The following CHRM3 variants were observed in gnomAD, a reference collection of about 807,000 sequenced individuals.
The protein encoded by CHRM3 is cholinergic receptor muscarinic 3.
Under a neutral mutation model 41.8 loss-of-function variants are expected in CHRM3, and 11 were observed. The ratio of observed to expected loss-of-function variants is 0.26; its 90% CI spans 0.17 to 0.44. The LOEUF is 0.44. CHRM3 is among the 20% of genes least tolerant of loss of function. The probability of loss-of-function intolerance (pLI) is 1.00; values close to 1 mark genes in which losing one functional copy is unlikely to be tolerated. For missense variants in CHRM3, 571 were observed against 745.4 expected, an observed-to-expected ratio of 0.77 and a Z score of 2.72; for synonymous variants, 297 against 301.4, an observed-to-expected ratio of 0.99 and a Z score of 0.15.
At chr1:239,416,482 TTTATC>T (rs1334436742) in intron 1 of CHRM3, among the ~76,000 whole-genome samples, 1 of 152,162 alleles carries the variant, frequency 6.6e-6, no homozygotes, top group Non-Finnish European at 1.5e-5. Flanking sequence ...GAAATATACT[TTTATC>T]TTCTTTCCAA....
intron 1 of CHRM3, among the ~76,000 whole-genome samples, chr1:239,414,562 A>G (rs1661351852): frequency 1.3e-5 from 2 of 152,376 alleles, no homozygotes; most frequent in South Asian, 2.1e-4. Context: ...CTGGAACAGA[A>G]CAAAATATTT....
chr1:239,619,559 T>C (rs185327237), intron 3 of CHRM3, among the ~76,000 whole-genome samples: 1 of 152,332 alleles, frequency 6.6e-6, no homozygotes, highest in African/African-American at 2.4e-5. Context: ...ATGAGAATGA[T>C]GGCCCAATTA....
intron 3 of CHRM3, among the ~76,000 whole-genome samples, chr1:239,591,766 A>T (rs1664180904): frequency 6.6e-6 from 1 of 152,224 alleles, no homozygotes; most frequent in South Asian, 2.1e-4. Flanking sequence ...GCAGTACAGT[A>T]ACACAGTTGT....
At chr1:239,877,188 CT>C (rs1372309836) in intron 6 of CHRM3, among the ~76,000 whole-genome samples, 1 of 152,124 alleles carries the variant, frequency 6.6e-6, no homozygotes, top group East Asian at 1.9e-4. Flanking sequence ...TGAATCATCC[CT>C]TTGGAAACTA....
chr1:239,607,573 TA>T (rs1309580092), intron 3 of CHRM3, among the ~76,000 whole-genome samples: 2 of 152,186 alleles, frequency 1.3e-5, no homozygotes, highest in Non-Finnish European at 2.9e-5. Context: ...AACAAACCCT[TA>T]CTAGGCCTTT....
chr1:239,834,540 T>C (rs767486532), intron 6 of CHRM3, among the ~76,000 whole-genome samples: 4 of 152,114 alleles, frequency 2.6e-5, no homozygotes, highest in Admixed American at 6.5e-5. Flanking sequence ...ATTCTACACT[T>C]ACCTGCTCCT....
intron 1 of CHRM3, among the ~76,000 whole-genome samples, chr1:239,428,516 C>T (rs1662573600): frequency 6.6e-6 from 1 of 152,116 alleles, no homozygotes; most frequent in South Asian, 2.1e-4. Context: ...ATGCATATAG[C>T]ACAGGGAACA....
intron 3 of CHRM3, among the ~76,000 whole-genome samples, chr1:239,617,041 T>C (rs948115613): frequency 6.6e-6 from 1 of 152,010 alleles, no homozygotes; most frequent in African/African-American, 2.4e-5. Flanking sequence ...TGTACTGATA[T>C]AGAGAAGAAT....
chr1:239,397,542 C>T (rs913407889), intron 1 of CHRM3, among the ~76,000 whole-genome samples: 3 of 151,704 alleles, frequency 2.0e-5, no homozygotes, highest in African/African-American at 7.3e-5. Context: ...CGTGCTGGCA[C>T]ATGCATGTAG....
At chr1:239,771,487 G>C (rs559037204) in intron 5 of CHRM3, among the ~76,000 whole-genome samples, 1 of 152,112 alleles carries the variant, frequency 6.6e-6, no homozygotes, top group South Asian at 2.1e-4. Flanking sequence ...AGAAACACTC[G>C]CTTCTGAGCA....
chr1:239,719,111 A>G (rs559661856), intron 5 of CHRM3: 4 of 152,102 alleles, frequency 2.6e-5, no homozygotes, highest in South Asian at 2.1e-4. Flanking sequence ...ATACAGGGCT[A>G]TGAGTTAGGT....
intron 3 of CHRM3, among the ~76,000 whole-genome samples, chr1:239,572,987 C>T (rs148452507): frequency 3.9e-5 from 6 of 152,280 alleles, no homozygotes; most frequent in African/African-American, 1.4e-4. Context: ...ATCTTCACTT[C>T]GTTGAATATC....
At chr1:239,500,195 T>C (rs1050233590) in intron 2 of CHRM3, among the ~76,000 whole-genome samples, 3 of 152,146 alleles carry the variant, frequency 2.0e-5, no homozygotes, top group African/African-American at 7.2e-5. Flanking sequence ...CTATTCACAA[T>C]AGCGAAGACT....
At chr1:239,480,650 A>G (rs1267367459) in intron 1 of CHRM3, among the ~76,000 whole-genome samples, 1 of 139,896 alleles carries the variant, frequency 7.1e-6, no homozygotes, top group Non-Finnish European at 1.5e-5. Flanking sequence ...TCTGCCTCCC[A>G]GGTTCATGCC....
At chr1:239,407,447 A>C (rs1398285492) in intron 1 of CHRM3, among the ~76,000 whole-genome samples, 1 of 125,324 alleles carries the variant, frequency 8.0e-6, no homozygotes, top group African/African-American at 2.5e-5. Context: ...GAGAGCGCTA[A>C]ATTTCCAGTT....
chr1:239,558,162 T>G (rs1024641281), intron 3 of CHRM3, among the ~76,000 whole-genome samples: 4 of 152,216 alleles, frequency 2.6e-5, no homozygotes, highest in African/African-American at 9.6e-5. Context: ...TCTTGACTTT[T>G]TAATAATTGT....
chr1:239,580,600 C>T (rs1662780895), intron 3 of CHRM3, among the ~76,000 whole-genome samples: 1 of 150,256 alleles, frequency 6.7e-6, no homozygotes, highest in South Asian at 2.1e-4. Flanking sequence ...GAGCTCCAGA[C>T]CTATCGTCAG....
chr1:239,746,099 G>A (rs1370013480), intron 5 of CHRM3, among the ~76,000 whole-genome samples: 1 of 152,200 alleles, frequency 6.6e-6, no homozygotes, highest in African/African-American at 2.4e-5. Flanking sequence ...TTTCTATCCT[G>A]CAATGACATT....
intron 6 of CHRM3, among the ~76,000 whole-genome samples, chr1:239,898,847 T>A (rs180680515): frequency 1.3e-5 from 2 of 152,212 alleles, no homozygotes; most frequent in African/African-American, 4.8e-5. Context: ...CATTTTTAAA[T>A]TTTTTAAATT....
Sources: allele counts gnomAD v4.1 joint callset (sites outside exome capture counted in the v4.1 genomes callset), GRCh38; gene constraint gnomAD v4.1.1; transcripts MANE v1.5; gene names NCBI Gene and HGNC (gene_info 2026-07-23, HGNC 2026-07-21).